Variants in PRRC2B observed in about 807,000 individuals in gnomAD.
PRRC2B encodes the protein protein PRRC2B.
PRRC2B carries 68 observed loss-of-function variants against 242.3 expected under a neutral mutation model. The observed-to-expected ratio is 0.28, with a 90% CI of 0.23 to 0.34. The LOEUF (loss-of-function observed/expected upper bound fraction) is 0.34, where lower values mean the gene tolerates loss of function less well. Among genes scored for constraint, PRRC2B ranks in the 10% least tolerant of loss-of-function variants. The pLI, the probability that PRRC2B is intolerant of heterozygous loss-of-function variation, is 1.00. For missense variants in PRRC2B, 2,835 were observed against 2,954.8 expected (o/e 0.96, Z 0.94); for synonymous variants, 1,228 against 1,173.6 (o/e 1.05, Z -0.95).
At chr9:131,374,124 C>T (rs1348845563) in intron 1 of PRRC2B, among the ~76,000 whole-genome samples, 1 of 151,404 alleles carries the variant, frequency 6.6e-6, no homozygotes, top group Non-Finnish European at 1.5e-5. Context: ...ATGGATATTT[C>T]AGTCACCCTG....
At chr9:131,415,119 G>A (rs139017626) in intron 1 of PRRC2B, among the ~76,000 whole-genome samples, 1 of 151,854 alleles carries the variant, frequency 6.6e-6, no homozygotes, top group East Asian at 1.9e-4. Context: ...TCAGCCTCCT[G>A]AGTAGCTGGG....
Position 131,432,656 on chromosome 9 carries a change from C to T in PRRC2B, c.155C>T (p.Ala52Val). Reference protein sequence around the residue: ...RHGLQSLGKVAAARRMPPPAN... With the variant: ...RHGLQSLGKVVAARRMPPPAN... Reference sequence around the variant, plus strand: ...GGCTTACAGAGTCTTGGGAAAGTTGCTGCAGCCCGGCGCATGCCACCGCCT... The same window carrying T: ...GGCTTACAGAGTCTTGGGAAAGTTGTTGCAGCCCGGCGCATGCCACCGCCT... The change falls in exon 3 of 32, where the codon GCT (alanine) becomes GTT (valine). Residue 52 changes from alanine to valine, a missense_variant. This residue lies in a region of PRRC2B where 626 missense variants were observed against 685.5 expected (regional missense o/e 0.91). Coordinates refer to ENST00000683519, the MANE Select transcript of PRRC2B (RefSeq NM_013318.4). 6.2e-7 allele frequency: 1 copy of T among 1,614,014 alleles called. No individual in the cohort carries two copies. The highest frequency in any genetic ancestry group is 8.5e-7 in the Non-Finnish European group (1 of 1,179,880).
intron 5 of PRRC2B, among the ~76,000 whole-genome samples, chr9:131,440,059 GATTA>G (rs1317469584): frequency 6.6e-6 from 1 of 151,954 alleles, no homozygotes; most frequent in Non-Finnish European, 1.5e-5. Flanking sequence ...CTGGCTTATT[GATTA>G]ATTGATTGAC....
chr9:131,488,207 G>A, intron 28 of PRRC2B, 111 bp downstream of exon 28: 1 of 1,407,394 alleles, frequency 7.1e-7, no homozygotes, highest in Non-Finnish European at 9.4e-7. Context: ...CTGTTGGTTG[G>A]TAGCCACCGT....
intron 1 of PRRC2B, among the ~76,000 whole-genome samples, chr9:131,379,985 T>C (rs1033866763): frequency 1.4e-5 from 2 of 146,636 alleles, no homozygotes; most frequent in African/African-American, 5.0e-5. Flanking sequence ...GTTATTTATA[T>C]ATATATAATA....
chr9:131,486,478 C>T lies in PRRC2B; in HGVS notation c.5856+296C>T, dbSNP rs1944028742. ...CTAAAATGGAATTTTCTTTGGTGATCAGGTATCCTTCTGATGAAGAGAAGA... is the reference window on the plus strand; with the variant it reads ...CTAAAATGGAATTTTCTTTGGTGATTAGGTATCCTTCTGATGAAGAGAAGA... On this transcript the variant is annotated intron_variant, in intron 26 of 31. Transcript: ENST00000683519. 3 of 985,292 alleles carry T rather than the reference C, an allele frequency of 3.0e-6. No individual in the cohort carries two copies. In the African/African-American group the frequency reaches 5.2e-5, roughly 17 times the overall value. The allele number at this position is 985,292 out of a possible 1,614,324, so 61.0% of individuals were successfully genotyped here.
At chr9:131,375,191 A>G (rs1207638445) in intron 1 of PRRC2B, among the ~76,000 whole-genome samples, 2 of 152,152 alleles carry the variant, frequency 1.3e-5, no homozygotes, top group African/African-American at 2.4e-5. Context: ...TCACGACGTC[A>G]GGAGTTGGAG....
chr9:131,470,081 C>G (rs2131434587), intron 13 of PRRC2B, among the ~76,000 whole-genome samples: 1 of 152,190 alleles, frequency 6.6e-6, no homozygotes, highest in Non-Finnish European at 1.5e-5. Flanking sequence ...AGGCGCTTAC[C>G]TAGGGGTCCC....
Position 131,446,693 on chromosome 9 carries a change from C to G in PRRC2B, c.855+51C>G. On this transcript the variant is annotated intron_variant, in intron 7 of 31. Transcript: ENST00000683519. This position sits in a 1 kb window ranked among gnomAD's most constrained non-coding sequence, Gnocchi z 4.1. ...TCCCCCCATGAAGTTGGATTGTGTCCAGCAGATAGGTCAAGTGGTTGAATG... is the reference window on the plus strand; with the variant it reads ...TCCCCCCATGAAGTTGGATTGTGTCGAGCAGATAGGTCAAGTGGTTGAATG... 2 of 1,599,214 alleles carry G rather than the reference C, an allele frequency of 1.3e-6. No homozygotes were observed. Among genetic ancestry groups the G allele is most frequent in the Non-Finnish European group, 1.7e-6 (2 of 1,170,428 alleles).
chr9:131,405,949 T>C (rs1837349419), intron 1 of PRRC2B, among the ~76,000 whole-genome samples: 2 of 152,144 alleles, frequency 1.3e-5, no homozygotes, highest in African/African-American at 4.8e-5. Flanking sequence ...TCTCTTCCTC[T>C]GCAAAATGTG....
intron 4 of PRRC2B, among the ~76,000 whole-genome samples, chr9:131,438,473 T>A (rs531896841): frequency 6.6e-6 from 1 of 152,280 alleles, no homozygotes; most frequent in Non-Finnish European, 1.5e-5. Context: ...GGAGGGGAGC[T>A]GTGCCTTGTA....
At chr9:131,412,299 C>G (rs1421568916) in intron 1 of PRRC2B, among the ~76,000 whole-genome samples, 1 of 152,120 alleles carries the variant, frequency 6.6e-6, no homozygotes, top group Non-Finnish European at 1.5e-5. Context: ...TCTTTTGTGT[C>G]TGTCTCCTTT....
rs955112600 is a variant in PRRC2B, at chr9:131,385,841, C to G, written c.-56+12110C>G. ...CCTGAATAGCTGGGACTACAGGCGC[C>G]CACCACCACGCCCGGCTAATCTTTT... On this transcript the variant is annotated intron_variant, in intron 1 of 1. Transcript: ENST00000682525. 1.2e-4 allele frequency among the ~76,000 whole-genome samples: 18 copies of G among 149,412 alleles called. 1 individual carries two copies. The highest frequency in any genetic ancestry group is 2.2e-4 in the Non-Finnish European group (15 of 67,264).
At position 131,473,585 on chromosome 9, in the gene PRRC2B, C is replaced by T. The variant is rs796517352; in HGVS notation, c.2185C>T (p.Pro729Ser). 4 of 1,611,634 alleles carry T rather than the reference C, an allele frequency of 2.5e-6. No individual in the cohort carries two copies. Among genetic ancestry groups the T allele is most frequent in the Non-Finnish European group, 3.4e-6 (4 of 1,179,012 alleles). The change falls in exon 15 of 32, where the codon CCA becomes TCA. Residue 729 changes from proline to serine, a missense_variant. This residue lies in a region of PRRC2B where 1,536 missense variants were observed against 1,483.1 expected (regional missense o/e 1.04). Coordinates refer to ENST00000683519, the MANE Select transcript of PRRC2B (RefSeq NM_013318.4). ...CRSEDQNCVP[P>S]LQERKVTPID... ...CTCTGAGGATCAGAACTGTGTGCCC[C>T]CACTCCAAGAAAGAAAAGTGACCCC...
chr9:131,452,493 A>C (rs1006361322), intron 9 of PRRC2B, among the ~76,000 whole-genome samples: 1 of 152,144 alleles, frequency 6.6e-6, no homozygotes, highest in Non-Finnish European at 1.5e-5. Context: ...GAGTTGTTGA[A>C]ATTATTAACA....
chr9:131,493,740 C>A (rs1385109683), intron 30 of PRRC2B, among the ~76,000 whole-genome samples: 2 of 152,206 alleles, frequency 1.3e-5, no homozygotes, highest in African/African-American at 2.4e-5. Flanking sequence ...GTTCCCTGGT[C>A]AGGTCCTTGG....
In PRRC2B at chr9:131,394,096, C is replaced by CG. The variant is rs1836968721; in HGVS notation, c.-219_-218insG. On this transcript the variant is annotated 5_prime_UTR_variant, in exon 1 of 32. Coordinates refer to ENST00000683519, the MANE Select transcript of PRRC2B (RefSeq NM_013318.4). ...GAGGGAGCGAGCGGCGAGACAGGCG[C>CG]CGAGGCTCCACCGCGCAGCGACGAG... The CG allele has an allele frequency of 6.7e-6, 1 of 149,312 alleles. No individual in the cohort carries two copies. Among genetic ancestry groups the CG allele is most frequent in the Admixed American group, 6.7e-5 (1 of 14,990 alleles). The allele number at this position is 149,312 out of a possible 1,614,324, so 9.2% of individuals were successfully genotyped here.
At chr9:131,400,378 G>A (rs545491829) in intron 1 of PRRC2B, among the ~76,000 whole-genome samples, 6 of 151,536 alleles carry the variant, frequency 4.0e-5, no homozygotes, top group Non-Finnish European at 8.8e-5. Context: ...GAGTGCAGCC[G>A]TGCGATCTTG....
At chr9:131,373,932 G>T (rs553331518) in intron 1 of PRRC2B, among the ~76,000 whole-genome samples, 1 of 152,122 alleles carries the variant, frequency 6.6e-6, no homozygotes, top group African/African-American at 2.4e-5. Flanking sequence ...GGTGGCGGGC[G>T]CCTGTAGTCC....
Sources: gnomAD v4.1 joint callset for allele counts (sites outside exome capture counted in the v4.1 genomes callset) on GRCh38, gnomAD v4.1.1 for gene constraint, gnomAD v4.1.1 regional missense constraint, Gnocchi (gnomAD v3.1) non-coding constraint, MANE v1.5 for transcripts, NCBI Gene and HGNC (gene_info 2026-07-23, HGNC 2026-07-21) for gene names.